POLR2H: variants seen among roughly 807,000 people sequenced by gnomAD.
The protein encoded by POLR2H is RNA polymerase II, I and III subunit H.
In POLR2H, 3 loss-of-function variants were observed where a neutral mutation model predicts 18.1. That is an observed-to-expected ratio of 0.17 (90% confidence interval 0.08 to 0.43). The LOEUF is 0.43. POLR2H is among the 20% of genes least tolerant of loss of function. The pLI, the probability that POLR2H is intolerant of heterozygous loss-of-function variation, is 0.99. For missense variants in POLR2H, 103 were observed against 184.6 expected, an observed-to-expected ratio of 0.56 and a Z score of 2.56; for synonymous variants, 76 against 69.0, an observed-to-expected ratio of 1.10 and a Z score of -0.50.
chr3:184,365,340 G>A, intron 4 of POLR2H, 114 bp downstream of exon 4: 2 of 792,638 alleles, frequency 2.5e-6, no homozygotes, highest in Non-Finnish European at 4.5e-6. Context: ...CAGAATCTGA[G>A]TAACCTTAAG....
intron 4 of POLR2H, among the ~76,000 whole-genome samples, chr3:184,365,961 G>A (rs1423277197): frequency 1.4e-5 from 2 of 146,360 alleles, no homozygotes; most frequent in East Asian, 4.0e-4. Flanking sequence ...GGGCGACAGA[G>A]CGAGACTCCG....
At chr3:184,365,738 C>A (rs1713128426) in intron 4 of POLR2H, among the ~76,000 whole-genome samples, 1 of 151,826 alleles carries the variant, frequency 6.6e-6, no homozygotes, top group Non-Finnish European at 1.5e-5. Flanking sequence ...CTTTGGGAGG[C>A]CGAGGCGGGC....
At chr3:184,366,282 C>T (rs1713251272) in intron 4 of POLR2H, among the ~76,000 whole-genome samples, 2 of 151,594 alleles carry the variant, frequency 1.3e-5, no homozygotes, top group Non-Finnish European at 2.9e-5. Flanking sequence ...GACTAAATGA[C>T]ATCATGTTTG....
chr3:184,366,340 T>A (rs1713265267), intron 4 of POLR2H, among the ~76,000 whole-genome samples: 1 of 95,084 alleles, frequency 1.1e-5, no homozygotes, highest in South Asian at 3.8e-4. Flanking sequence ...CAGTAACCAT[T>A]TTTTTTTTTT....
Position 184,368,511 on chromosome 3 carries a change from T to C in POLR2H, c.*217T>C, listed in dbSNP as rs370673571. ...TGAATCAGAAGCTTTATGTATATGA[T>C]TTTTAAATTAAACTTTACTTTTTCA... On this transcript the variant is annotated 3_prime_UTR_variant, in exon 6 of 6. Transcript: ENST00000456318. 2.1e-4 allele frequency: 87 copies of C among 417,276 alleles called. No homozygotes were observed. In the East Asian group the frequency reaches 2.5e-3, roughly 12 times the overall value. The allele number at this position is 417,276 out of a possible 1,614,324, so 25.8% of individuals were successfully genotyped here.
intron 4 of POLR2H, chr3:184,366,390 T>C (rs1309429289): frequency 6.2e-6 from 1 of 162,352 alleles, no homozygotes; most frequent in African/African-American, 2.5e-5. Flanking sequence ...CAGGCTGGAG[T>C]GCAGTGGCGC....
In POLR2H at chr3:184,363,168, G is replaced by C; in HGVS notation, c.-325G>C. 3 of 408,078 alleles carry C rather than the reference G, an allele frequency of 7.4e-6. No individual in the cohort carries two copies. Among genetic ancestry groups the C allele is most frequent in the South Asian group, 6.3e-5 (3 of 47,614 alleles). 25.3% of individuals were successfully genotyped at this position (408,078 alleles called of 1,614,324 possible). On this transcript the variant is annotated 5_prime_UTR_variant, in exon 2 of 6. Transcript: ENST00000456318. ...CCGGCCTCTGAAGAGGGCGCAGTAG[G>C]GCCCCAGCGGAGCGCGAGAACCCGC...
rs1305824062 is a variant in POLR2H, at chr3:184,363,458, C to T, written c.-35C>T. ...ACGTACTCCCAACTGTGGTCGCGCT[C>T]TCACCCCTTCTGCTGCTCTCGTGGC... On this transcript the variant is annotated 5_prime_UTR_variant, in exon 2 of 6. Transcript: ENST00000456318. 3 of 1,581,110 alleles carry T rather than the reference C, an allele frequency of 1.9e-6. No homozygotes were observed. Among genetic ancestry groups the T allele is most frequent in the Non-Finnish European group, 2.6e-6 (3 of 1,150,472 alleles).
rs1403326442 is a variant in POLR2H at position 184,367,388 on chromosome 3, T to TG, written c.335+590dup. 2.6e-5 allele frequency among the ~76,000 whole-genome samples: 4 copies of TG among 152,174 alleles called. No individual in the cohort carries two copies. The East Asian group carries it at 7.7e-4, about 29-fold the overall frequency. On this transcript the variant is annotated intron_variant, in intron 5 of 5. Coordinates refer to ENST00000456318, the MANE Select transcript of POLR2H (RefSeq NM_006232.5). ...ATATCCTGGTGTTCTGTTTTTTTCT[T>TG]GGAGACTGTGGTGTTTATTATGTTT...
At chr3:184,364,616 C>T (rs1712914977) in intron 2 of POLR2H, 2 of 245,106 alleles carry the variant, frequency 8.2e-6, no homozygotes, top group Non-Finnish European at 1.6e-5. Flanking sequence ...AAGACGGATA[C>T]CAGTTCTTAT....
Position 184,363,275 on chromosome 3 carries a change from A to T in POLR2H, c.-218A>T. 1 of 600,982 alleles carries T rather than the reference A, an allele frequency of 1.7e-6. No individual in the cohort carries two copies. The highest frequency in any genetic ancestry group is 1.9e-5 in the South Asian group (1 of 53,640). 37.2% of individuals were successfully genotyped at this position (600,982 alleles called of 1,614,324 possible). A position where few individuals can be genotyped will look rare whatever the true frequency, so the allele number is the denominator to read the frequency against. ...CTCAATGCCGAAGCCTCTCGGAAGC[A>T]ATCTTTCGGGACGGAAGTTAAGTAG... On this transcript the variant is annotated 5_prime_UTR_variant, in exon 2 of 6. Coordinates refer to ENST00000456318, the MANE Select transcript of POLR2H (RefSeq NM_006232.5).
chr3:184,365,579 G>T (rs1713092266), intron 4 of POLR2H: 1 of 274,878 alleles, frequency 3.6e-6, no homozygotes, highest in Non-Finnish European at 7.0e-6. Flanking sequence ...GCTGAGGTGG[G>T]AGGATTGCCT....
rs1312512752 is a variant in POLR2H at position 184,362,360 on chromosome 3, T to G, written c.-621+214T>G. 6.6e-6 allele frequency: 1 copy of G among 152,540 alleles called. No individual in the cohort carries two copies. Among genetic ancestry groups the G allele is most frequent in the Non-Finnish European group, 1.5e-5 (1 of 68,304 alleles). 9.4% of individuals were successfully genotyped at this position (152,540 alleles called of 1,614,324 possible). A position where few individuals can be genotyped will look rare whatever the true frequency, so the allele number is the denominator to read the frequency against. ...GCTTTGGGGGAACTGCCTGCTGGTG[T>G]TCTGGGTTCTCTATCAGGGGCTGGG... On this transcript the variant is annotated intron_variant, in intron 1 of 5. Transcript: ENST00000456318. This position sits in a 1 kb window ranked among gnomAD's most constrained non-coding sequence, Gnocchi z 5.9.
Position 184,364,979 on chromosome 3 carries a change from T to C in POLR2H, c.87T>C (p.His29=), listed in dbSNP as rs568429721. 8.7e-5 allele frequency: 140 copies of C among 1,610,056 alleles called. No homozygotes were observed. The South Asian group carries it at 1.4e-3, about 16-fold the overall frequency. The change falls in exon 3 of 6, where the codon CAT becomes CAC. Residue 29 remains histidine, a synonymous_variant. Transcript: ENST00000456318. ...GCTTCTCCCCAGTGTCTCGACTGCA[T>C]TGTGAGAGTGAATCTTTCAAGATGG... is the stretch of plus-strand genomic sequence containing the variant. ...GKKFDRVSRL[H]CESESFKMDL... is the part of the protein sequence containing the mutation.
rs1712601810 is a variant in POLR2H, at chr3:184,363,354, A to G, written c.-139A>G. 2 of 715,652 alleles carry G rather than the reference A, an allele frequency of 2.8e-6. No individual in the cohort carries two copies. Among genetic ancestry groups the G allele is most frequent in the Non-Finnish European group, 2.5e-6 (1 of 397,528 alleles). 44.3% of individuals were successfully genotyped at this position (715,652 alleles called of 1,614,324 possible). A position where few individuals can be genotyped will look rare whatever the true frequency, so the allele number is the denominator to read the frequency against. Reference sequence around the variant, plus strand: ...GTCGCGTTACCGCTTGTTTGTGCGCATGCGCCACTCTCGTCTGGCCGCCGC... The same window carrying G: ...GTCGCGTTACCGCTTGTTTGTGCGCGTGCGCCACTCTCGTCTGGCCGCCGC... On this transcript the variant is annotated 5_prime_UTR_variant, in exon 2 of 6. An upstream start codon of the reference 5' UTR is lost. Coordinates refer to ENST00000456318, the MANE Select transcript of POLR2H (RefSeq NM_006232.5).
In POLR2H at chr3:184,368,524, C is replaced by T. The variant is rs1713727385; in HGVS notation, c.*230C>T. 2 of 404,086 alleles carry T rather than the reference C, an allele frequency of 4.9e-6. No individual in the cohort carries two copies. The highest frequency in any genetic ancestry group is 1.7e-4 in the South Asian group (2 of 11,562). The allele number at this position is 404,086 out of a possible 1,614,324, so 25.0% of individuals were successfully genotyped here. On this transcript the variant is annotated 3_prime_UTR_variant, in exon 6 of 6. Transcript: ENST00000456318. ...TTATGTATATGATTTTTAAATTAAACTTTACTTTTTCAGACTGCCCCTCCC... is the reference window on the plus strand; with the variant it reads ...TTATGTATATGATTTTTAAATTAAATTTTACTTTTTCAGACTGCCCCTCCC...
intron 5 of POLR2H, among the ~76,000 whole-genome samples, chr3:184,367,294 G>A (rs1462140501): frequency 6.6e-6 from 1 of 152,060 alleles, no homozygotes; most frequent in Non-Finnish European, 1.5e-5. Flanking sequence ...GAAGAGTAAT[G>A]TGAAGAAGGA....
At position 184,365,164 on chromosome 3, in the gene POLR2H, C is replaced by G. The variant is rs756478798; in HGVS notation, c.189C>G (p.Thr63=). 6.2e-7 allele frequency: 1 copy of G among 1,613,402 alleles called. No homozygotes were observed. Among genetic ancestry groups the G allele is most frequent in the Non-Finnish European group, 8.5e-7 (1 of 1,179,390 alleles). ...AGTTTCGGTTGGTCATAGCTAGTAC[C>G]TTGTATGAAGATGGTACCCTGGATG... ...GDKFRLVIAS[T]LYEDGTLDDG... is the part of the protein sequence containing the mutation. Residue 63 remains threonine (T), a synonymous_variant, in exon 4 of 6, where the codon ACC becomes ACG. Coordinates refer to ENST00000456318, the MANE Select transcript of POLR2H (RefSeq NM_006232.5).
chr3:184,363,419 A>G lies in POLR2H; in HGVS notation c.-74A>G. ...CTTTTGGTTCTCTCCGGTCTTGTCC[A>G]CGCTAGGGGGTGCACGTACTCCCAA... On this transcript the variant is annotated 5_prime_UTR_variant, in exon 2 of 6. Transcript: ENST00000456318. 2 of 1,275,496 alleles carry G rather than the reference A, an allele frequency of 1.6e-6. No individual in the cohort carries two copies. Among genetic ancestry groups the G allele is most frequent in the Admixed American group, 1.8e-5 (1 of 55,574 alleles). 79.0% of individuals were successfully genotyped at this position (1,275,496 alleles called of 1,614,324 possible).
Sources: allele counts gnomAD v4.1 joint callset (sites outside exome capture counted in the v4.1 genomes callset), GRCh38; gene constraint gnomAD v4.1.1; non-coding constraint Gnocchi (gnomAD v3.1); transcripts MANE v1.5; gene names NCBI Gene and HGNC (gene_info 2026-07-23, HGNC 2026-07-21).